PTPRN2: variants seen among roughly 807,000 people sequenced by gnomAD.
PTPRN2 encodes receptor-type tyrosine-protein phosphatase N2.
PTPRN2 carries 74 observed loss-of-function variants against 118.8 expected under a neutral mutation model. That is an observed-to-expected ratio of 0.62 (90% CI 0.52 to 0.76). The LOEUF (loss-of-function observed/expected upper bound fraction) is 0.76. PTPRN2 is among the 30% of genes least tolerant of loss of function. The probability of loss-of-function intolerance (pLI) is 0.00; values close to 1 mark genes in which losing one functional copy is unlikely to be tolerated. For missense variants in PTPRN2, 1,481 were observed against 1,394.4 expected, an observed-to-expected ratio of 1.06 and a Z score of -0.99; for synonymous variants, 641 against 608.0, an observed-to-expected ratio of 1.05 and a Z score of -0.80.
At chr7:157,561,333 A>C (rs897285559) in intron 21 of PTPRN2, among the ~76,000 whole-genome samples, 10 of 152,360 alleles carry the variant, frequency 6.6e-5, no homozygotes, top group African/African-American at 2.2e-4. Context: ...GGCTGTGCCC[A>C]GAGAGAGCTG....
At position 157,747,066 on chromosome 7, in the gene PTPRN2, G is replaced by A. The variant is rs188150912; in HGVS notation, c.1789-64129C>T. On this transcript the variant is annotated intron_variant, in intron 12 of 22. Transcript: ENST00000389418. ...TGCGTCCCTGAGCTGTGGGGTGTCCGGGTGATTCTGAGGCCTGCATCTCTG... is the reference window on the plus strand; with the variant it reads ...TGCGTCCCTGAGCTGTGGGGTGTCCAGGTGATTCTGAGGCCTGCATCTCTG... Among the ~76,000 whole-genome samples the A allele has an allele frequency of 5.0e-3, 533 of 105,888 alleles. 13 individuals carry two copies. The highest frequency in any genetic ancestry group is 5.0e-3 in the Non-Finnish European group (258 of 52,038). 69.5% of individuals were successfully genotyped at this position (105,888 alleles called of 152,430 possible). A position where few individuals can be genotyped will look rare whatever the true frequency, so the allele number is the denominator to read the frequency against.
intron 1 of PTPRN2, among the ~76,000 whole-genome samples, chr7:158,562,072 GT>G (rs1263552639): frequency 6.6e-6 from 1 of 152,228 alleles, no homozygotes; most frequent in East Asian, 1.9e-4. Flanking sequence ...AAGTCTCTCT[GT>G]CAGGAAATGT....
At chr7:157,643,743 C>T (rs1456114822) in intron 14 of PTPRN2, among the ~76,000 whole-genome samples, 1 of 152,258 alleles carries the variant, frequency 6.6e-6, no homozygotes, top group East Asian at 1.9e-4. Context: ...AGCAGGCGGC[C>T]AGGCTCCAGC....
chr7:158,113,632 A>G (rs1816471198), intron 9 of PTPRN2, among the ~76,000 whole-genome samples: 1 of 152,190 alleles, frequency 6.6e-6, no homozygotes, highest in South Asian at 2.1e-4. Flanking sequence ...TGACTAGTCT[A>G]GCCTCAGAGC....
chr7:158,470,258 G>T (rs1162217012), intron 2 of PTPRN2, among the ~76,000 whole-genome samples: 1 of 152,206 alleles, frequency 6.6e-6, no homozygotes, highest in Non-Finnish European at 1.5e-5. Flanking sequence ...CGACCAATAG[G>T]ATTTGACTGT....
At position 157,540,745 on chromosome 7, in the gene PTPRN2, A is replaced by C. The variant is rs1585002206; in HGVS notation, c.3017T>G (p.Val1006Gly). 6.4e-7 allele frequency: 1 copy of C among 1,567,772 alleles called. No individual in the cohort carries two copies. The highest frequency in any genetic ancestry group is 8.6e-7 in the Non-Finnish European group (1 of 1,156,228). ...EFALTAVAEEVNAILKALPQ is the reference protein window; with the variant it reads ...EFALTAVAEEGNAILKALPQ ...GGGAAGGGCCTTGAGGATGGCGTTCACCTCCTCAGCCACGGCTGTCAGCGC... is the reference window on the plus strand; with the variant it reads ...GGGAAGGGCCTTGAGGATGGCGTTCCCCTCCTCAGCCACGGCTGTCAGCGC... The change falls in exon 23 of 23, where the codon GTG becomes GGG. Residue 1006 changes from valine to glycine, a missense_variant. Val to Gly is a moderately radical substitution (Grantham distance 109). Coordinates refer to ENST00000389418, the MANE Select transcript of PTPRN2 (RefSeq NM_002847.5).
chr7:158,193,785 C>A (rs1052168529), intron 4 of PTPRN2, among the ~76,000 whole-genome samples: 10 of 151,946 alleles, frequency 6.6e-5, no homozygotes, highest in Admixed American at 3.3e-4. Context: ...CCAAAAGGGC[C>A]CAGAGCATGC....
At position 158,509,297 on chromosome 7, in the gene PTPRN2, G is replaced by A. The variant is rs1823009966; in HGVS notation, c.113-19512C>T. 1.3e-5 allele frequency among the ~76,000 whole-genome samples: 2 copies of A among 152,214 alleles called. No individual in the cohort carries two copies. The highest frequency in any genetic ancestry group is 2.9e-5 in the Non-Finnish European group (2 of 68,038). ...CGGCCCGTCAGTCACAGCATCGGAA[G>A]AATGAATAGTGCTCCCTGATCCCTA... is the stretch of plus-strand genomic sequence containing the variant. On this transcript the variant is annotated intron_variant, in intron 1 of 22. Coordinates refer to ENST00000389418, the MANE Select transcript of PTPRN2 (RefSeq NM_002847.5). This position sits in a 1 kb window ranked among gnomAD's most constrained non-coding sequence, Gnocchi z 4.4.
At chr7:157,691,091 T>C (rs1797475094) in intron 12 of PTPRN2, among the ~76,000 whole-genome samples, 1 of 113,884 alleles carries the variant, frequency 8.8e-6, no homozygotes, top group East Asian at 2.9e-4. Flanking sequence ...CACATGTTGC[T>C]GACAGCAATT....
intron 1 of PTPRN2, among the ~76,000 whole-genome samples, chr7:158,558,216 C>G (rs2129450725): frequency 6.6e-6 from 1 of 152,206 alleles, no homozygotes; most frequent in Admixed American, 6.5e-5. Context: ...GAACTCCTGG[C>G]CTCAAGCAAT....
chr7:157,544,942 G>A (rs1480278419), intron 22 of PTPRN2, among the ~76,000 whole-genome samples: 1 of 129,042 alleles, frequency 7.7e-6, no homozygotes, highest in Non-Finnish European at 1.8e-5. Flanking sequence ...GTGTGTACAG[G>A]TGGGTGTGTG....
intron 12 of PTPRN2, among the ~76,000 whole-genome samples, chr7:157,770,218 T>C (rs1802719762): frequency 6.6e-6 from 1 of 152,262 alleles, no homozygotes; most frequent in Admixed American, 6.5e-5. Flanking sequence ...ATTGGAACCA[T>C]GCTTAGCTTC....
intron 2 of PTPRN2, among the ~76,000 whole-genome samples, chr7:158,341,041 A>ATT (rs1175234963): frequency 4.2e-5 from 2 of 47,132 alleles, no homozygotes; most frequent in African/African-American, 1.6e-4. Context: ...ACTCACCATG[A>ATT]GGTGACACCT....
At chr7:158,586,160 C>T (rs1828896195) in intron 1 of PTPRN2, among the ~76,000 whole-genome samples, 1 of 152,212 alleles carries the variant, frequency 6.6e-6, no homozygotes, top group Non-Finnish European at 1.5e-5. Context: ...GCAAGGACCT[C>T]CTTTCCCAGC....
rs1198314723 is a variant in PTPRN2, at chr7:158,015,376, T to A, written c.1723+65922A>T. On this transcript the variant is annotated intron_variant, in intron 11 of 22. Transcript: ENST00000389418. This position sits in a 1 kb window ranked among gnomAD's most constrained non-coding sequence, Gnocchi z 4.2. ...AATCCCCTGTCTACCGATTAAAAAC[T>A]CTGAGGTCTTTTTAGTTAATGTGTG... is the stretch of plus-strand genomic sequence containing the variant. Among the ~76,000 whole-genome samples the A allele has an allele frequency of 6.6e-6, 1 of 152,120 alleles. No homozygotes were observed. Among genetic ancestry groups the A allele is most frequent in the East Asian group, 1.9e-4 (1 of 5,188 alleles).
intron 13 of PTPRN2, among the ~76,000 whole-genome samples, chr7:157,658,927 G>A (rs1302812974): frequency 2.6e-5 from 4 of 152,204 alleles, no homozygotes; most frequent in East Asian, 3.9e-4. Flanking sequence ...CCCCACAGCC[G>A]TGTGCGTCAA....
chr7:157,678,068 C>T (rs933015090), intron 13 of PTPRN2, among the ~76,000 whole-genome samples: 1 of 152,174 alleles, frequency 6.6e-6, no homozygotes, highest in Non-Finnish European at 1.5e-5. Context: ...CTTGACTTTA[C>T]AATAAAATGT....
intron 11 of PTPRN2, among the ~76,000 whole-genome samples, chr7:158,020,939 G>A (rs1453984788): frequency 6.6e-6 from 1 of 152,168 alleles, no homozygotes; most frequent in South Asian, 2.1e-4. Flanking sequence ...TATAGAGGAG[G>A]CTGTTCCTAG....
intron 12 of PTPRN2, among the ~76,000 whole-genome samples, chr7:157,698,083 A>G (rs555318199): frequency 2.0e-5 from 3 of 152,380 alleles, no homozygotes; most frequent in African/African-American, 7.2e-5. Context: ...AACTGGGAAG[A>G]TTTTTAAGAT....
Sources: allele counts gnomAD v4.1 joint callset (sites outside exome capture counted in the v4.1 genomes callset), GRCh38; gene constraint gnomAD v4.1.1; non-coding constraint Gnocchi (gnomAD v3.1); transcripts MANE v1.5; gene names NCBI Gene and HGNC (gene_info 2026-07-23, HGNC 2026-07-21).